The following TRIM14 variants were observed in gnomAD, a reference collection of about 807,000 sequenced individuals.
TRIM14 encodes the protein tripartite motif containing 14.
A neutral mutation model predicts 44.5 loss-of-function variants in TRIM14; 28 were observed. The observed-to-expected ratio is 0.63, with a 90% CI of 0.47 to 0.86. The LOEUF (loss-of-function observed/expected upper bound fraction) is 0.86. Ranked by LOEUF, TRIM14 falls within the 40% of genes least tolerant of loss-of-function variation. TRIM14 has a pLI of 0.00. For synonymous variants in TRIM14, 299 were observed against 269.2 expected, an observed-to-expected ratio of 1.11 and a Z score of -1.08; for missense variants, 607 against 611.1, an observed-to-expected ratio of 0.99 and a Z score of 0.07.
chr9:98,077,162 T>C (rs984584384), intron 6 of TRIM14: 2 of 640,586 alleles, frequency 3.1e-6, no homozygotes, highest in Non-Finnish European at 5.2e-6. Context: ...AGGGTCTCGC[T>C]GTGTTGGCCA....
chr9:98,084,132 G>A (rs190646631), downstream of TRIM14, among the ~76,000 whole-genome samples: 13 of 151,988 alleles, frequency 8.6e-5, no homozygotes, highest in Admixed American at 8.5e-4. Flanking sequence ...GGAAGCGGAA[G>A]ATTCAAGGGA....
At chr9:98,103,204 C>A (rs1034219053) in intron 2 of TRIM14, among the ~76,000 whole-genome samples, 2 of 148,896 alleles carry the variant, frequency 1.3e-5, no homozygotes, top group Non-Finnish European at 3.0e-5. Context: ...ACAACAACAA[C>A]AAAAAACAAT....
At chr9:98,069,700 G>A (rs899165681) in intron 6 of TRIM14, 1 of 152,236 alleles carries the variant, frequency 6.6e-6, no homozygotes, top group Non-Finnish European at 1.5e-5. Flanking sequence ...GGAAATAACA[G>A]AATTATGACA....
At chr9:98,080,243 A>G (rs1829793764), downstream of TRIM14, among the ~76,000 whole-genome samples, 1 of 152,206 alleles carries the variant, frequency 6.6e-6, no homozygotes, top group African/African-American at 2.4e-5. Flanking sequence ...CAATAAAATA[A>G]TAATACACGC....
At chr9:98,076,520 G>T (rs1412833222) in intron 6 of TRIM14, 2 of 190,760 alleles carry the variant, frequency 1.0e-5, no homozygotes, top group Admixed American at 6.4e-5. Context: ...GATCACAGGT[G>T]CCCGCCACCA....
At position 98,076,741 on chromosome 9, in the gene TRIM14, A is replaced by C. The variant is rs1386892241; in HGVS notation, c.*29-7054T>G. ...GCTAATGGATGGGTGGATGCAAATG[A>C]ATGTTTGCATTTGAATGAAATGACT... On this transcript the variant is annotated intron_variant, in intron 6 of 6. Coordinates refer to the TRIM14 transcript ENST00000375098. The C allele has an allele frequency of 6.8e-6, 4 of 586,198 alleles. No homozygotes were observed. The East Asian group carries it at 9.3e-5, about 14-fold the overall frequency. The allele number at this position is 586,198 out of a possible 1,614,324, so 36.3% of individuals were successfully genotyped here. A position where few individuals can be genotyped will look rare whatever the true frequency, so the allele number is the denominator to read the frequency against.
the TRIM14 span, among the ~76,000 whole-genome samples, chr9:98,053,802 AAAATAAAT>A: frequency 6.8e-6 from 1 of 146,452 alleles, no homozygotes. Context: ...AGCCCACTAC[AAAATAAAT>A]AAATAAATAA....
chr9:98,088,053 G>A (rs1025716512), intron 5 of TRIM14, 48 bp from the exon 6 acceptor site: 6 of 1,404,126 alleles, frequency 4.3e-6, no homozygotes, highest in Non-Finnish European at 4.6e-6. Context: ...GGGCCAGCGC[G>A]GCGCCCCGCC....
chr9:98,095,139 T>C lies in TRIM14; in HGVS notation c.538-110A>G. 7.2e-7 allele frequency: 1 copy of C among 1,381,314 alleles called. No individual in the cohort carries two copies. 85.6% of individuals were successfully genotyped at this position (1,381,314 alleles called of 1,614,324 possible). On this transcript the variant is annotated intron_variant, in intron 3 of 5. Transcript: ENST00000341469. The surrounding 1 kb of genome is among the most constrained non-coding windows in gnomAD (Gnocchi z 4.1). ...ACACCAGCATGCCCAGGCTCCACGT[T>C]GGCCTGGCACCTATGGTCAGCCCAG...
the TRIM14 span, among the ~76,000 whole-genome samples, chr9:98,039,380 T>A: frequency 6.6e-6 from 1 of 152,214 alleles, no homozygotes; most frequent in African/African-American, 2.4e-5. Flanking sequence ...ACCTCCAAGC[T>A]GTCCTTGTTC....
chr9:98,113,029 G>T (rs1191082519), intron 1 of TRIM14, among the ~76,000 whole-genome samples: 1 of 143,448 alleles, frequency 7.0e-6, no homozygotes, highest in African/African-American at 2.7e-5. Flanking sequence ...CAGGAAAATT[G>T]CTTGTACCTG....
intron 6 of TRIM14, chr9:98,077,010 C>T: frequency 6.3e-7 from 1 of 1,599,936 alleles, no homozygotes; most frequent in Non-Finnish European, 8.5e-7. Flanking sequence ...AAAAGACAGC[C>T]AAAAAAGGTA....
intron 3 of TRIM14, 67 bp downstream of exon 3, chr9:98,099,864 G>A: frequency 7.0e-7 from 1 of 1,434,032 alleles, no homozygotes. Context: ...TGTGCTCAAT[G>A]CCACAATACT....
the TRIM14 span, among the ~76,000 whole-genome samples, chr9:98,052,795 C>T: frequency 1.3e-5 from 2 of 152,218 alleles, no homozygotes; most frequent in Non-Finnish European, 2.9e-5. Context: ...CGTGAGCCAC[C>T]GTGCTCAGCC....
chr9:98,070,672 G>C (rs1399974867), intron 6 of TRIM14, among the ~76,000 whole-genome samples: 1 of 151,368 alleles, frequency 6.6e-6, no homozygotes, highest in East Asian at 1.9e-4. Flanking sequence ...CGCCCACCTT[G>C]TCCTCCCAAA....
the TRIM14 span, among the ~76,000 whole-genome samples, chr9:98,038,390 A>G: frequency 1.2e-4 from 18 of 152,058 alleles, no homozygotes; most frequent in African/African-American, 4.3e-4. Flanking sequence ...GTTCTCAGCC[A>G]TTTGGACAGA....
intron 3 of TRIM14, among the ~76,000 whole-genome samples, chr9:98,096,304 G>A (rs1388947541): frequency 3.3e-5 from 5 of 152,154 alleles, no homozygotes. Flanking sequence ...TGGGGAACCA[G>A]GCCTAAGGTC....
In TRIM14 at chr9:98,119,171, G is replaced by A; in HGVS notation, c.18C>T (p.Thr6=). The change falls in exon 1 of 6, where the codon ACC becomes ACT. Residue 6 remains threonine, a synonymous_variant. Coordinates refer to ENST00000341469, the MANE Select transcript of TRIM14 (RefSeq NM_014788.4). The part of the protein sequence containing the change: MAGAA[T]GSRTPGRSEL... The stretch of plus-strand genomic sequence containing the variant: ...CCGACCTCCCAGGGGTCCGGCTCCC[G>A]GTCGCCGCGCCCGCCATTCATCTCC... 1.9e-6 allele frequency: 3 copies of A among 1,576,342 alleles called. No individual in the cohort carries two copies. Among genetic ancestry groups the A allele is most frequent in the Non-Finnish European group, 2.6e-6 (3 of 1,171,576 alleles).
chr9:98,102,053 C>T (rs1281406775), intron 2 of TRIM14, among the ~76,000 whole-genome samples: 7 of 150,560 alleles, frequency 4.6e-5, no homozygotes, highest in Admixed American at 4.6e-4. Flanking sequence ...GAAAAATGGG[C>T]GTCACTAGCA....
Sources: allele counts gnomAD v4.1 joint callset (sites outside exome capture counted in the v4.1 genomes callset), GRCh38; gene constraint gnomAD v4.1.1; non-coding constraint Gnocchi (gnomAD v3.1); transcripts MANE v1.5; gene names NCBI Gene and HGNC (gene_info 2026-07-23, HGNC 2026-07-21).